MYLIP: variants seen among roughly 807,000 people sequenced by gnomAD.
MYLIP encodes E3 ubiquitin-protein ligase MYLIP.
Under a neutral mutation model 45.8 loss-of-function variants are expected in MYLIP, and 26 were observed. The observed-to-expected ratio is 0.57, with a 90% CI of 0.42 to 0.79. The LOEUF (loss-of-function observed/expected upper bound fraction) is 0.79, where lower values mean the gene tolerates loss of function less well. Among genes scored for constraint, MYLIP ranks in the 30% least tolerant of loss-of-function variants. The pLI is 0.00. For missense variants in MYLIP, 494 were observed against 555.6 expected, an observed-to-expected ratio of 0.89 and a Z score of 1.11; for synonymous variants, 213 against 218.1, an observed-to-expected ratio of 0.98 and a Z score of 0.21.
intron 2 of MYLIP, among the ~76,000 whole-genome samples, chr6:16,139,317 G>A (rs1759616621): frequency 2.0e-5 from 3 of 151,944 alleles, no homozygotes; most frequent in Admixed American, 2.0e-4. Flanking sequence ...GAACCCAGGA[G>A]GCGGAGCTTG....
intron 3 of MYLIP, 128 bp from the exon 4 acceptor site, chr6:16,142,888 ATCAG>A: frequency 1.1e-6 from 1 of 898,358 alleles, no homozygotes; most frequent in Non-Finnish European, 1.7e-6. Flanking sequence ...TACATGAAAC[ATCAG>A]TAATACATAA....
At chr6:16,152,147 T>C (rs1230705118), downstream of MYLIP, among the ~76,000 whole-genome samples, 1 of 152,088 alleles carries the variant, frequency 6.6e-6, no homozygotes, top group Non-Finnish European at 1.5e-5. Context: ...GAGCAAAGGG[T>C]ACAAGAGAGG....
chr6:16,145,183 C>T lies in MYLIP; in HGVS notation c.1114C>T (p.Arg372Trp), dbSNP rs141183183. The T allele has an allele frequency of 1.0e-4, 162 of 1,614,136 alleles. 2 individuals are homozygous for T. Among genetic ancestry groups the T allele is most frequent in the Admixed American group, 9.2e-4 (55 of 60,026 alleles). Residue 372 changes from arginine to tryptophan, a missense_variant, in exon 6 of 7, where the codon CGG (arginine) becomes TGG (tryptophan). Physicochemically the swap from Arg to Trp is moderately radical, Grantham distance 101 (BLOSUM62 -3). Coordinates refer to ENST00000356840, the MANE Select transcript of MYLIP (RefSeq NM_013262.4). Reference sequence around the variant, plus strand: ...CGAGGGCCTCAGCTGCCAGCAGACCCGGGTGCTGCAGGAGAAGCTACGCAA... The same window carrying T: ...CGAGGGCCTCAGCTGCCAGCAGACCTGGGTGCTGCAGGAGAAGCTACGCAA... ...SCEGLSCQQTRVLQEKLRKLK... is the reference protein window; with the variant it reads ...SCEGLSCQQTWVLQEKLRKLK...
intron 1 of MYLIP, among the ~76,000 whole-genome samples, chr6:16,130,346 C>T (rs969407298): frequency 9.9e-5 from 15 of 152,122 alleles, no homozygotes; most frequent in Non-Finnish European, 2.2e-4. Context: ...TGGTCATGCC[C>T]TAGACGTTAA....
intron 2 of MYLIP, among the ~76,000 whole-genome samples, chr6:16,137,138 C>T (rs533171929): frequency 1.2e-4 from 18 of 152,262 alleles, no homozygotes; most frequent in Admixed American, 9.8e-4. Context: ...TAAAGCGTTA[C>T]GGTTTTAGCT....
chr6:16,161,316 T>C, the MYLIP span: 1 of 328,538 alleles, frequency 3.0e-6, no homozygotes, highest in African/African-American at 2.2e-5. Context: ...GACCTACAGC[T>C]TCAGATGGGT....
At chr6:16,158,715 A>C in the MYLIP span, among the ~76,000 whole-genome samples, 1 of 152,124 alleles carries the variant, frequency 6.6e-6, no homozygotes, top group African/African-American at 2.4e-5. Context: ...TAAAAAATAC[A>C]AAAAATTAGC....
the MYLIP span, among the ~76,000 whole-genome samples, chr6:16,158,231 C>T: frequency 3.3e-4 from 51 of 152,346 alleles, no homozygotes; most frequent in Admixed American, 2.5e-3. Context: ...AAGCAAGCGA[C>T]GCAGAGGCAC....
At chr6:16,146,011 C>T (rs1187692655) in intron 6 of MYLIP, among the ~76,000 whole-genome samples, 1 of 152,170 alleles carries the variant, frequency 6.6e-6, no homozygotes, top group Non-Finnish European at 1.5e-5. Flanking sequence ...CTAGATAATA[C>T]TTAGTCCTTC....
In MYLIP at chr6:16,145,185, G is replaced by T; in HGVS notation, c.1116G>T (p.Arg372=). 1.9e-6 allele frequency: 3 copies of T among 1,614,160 alleles called. No individual in the cohort carries two copies. The highest frequency in any genetic ancestry group is 2.5e-6 in the Non-Finnish European group (3 of 1,180,030). The change falls in exon 6 of 7, where the codon CGG becomes CGT. Residue 372 remains arginine, a synonymous_variant. Coordinates refer to ENST00000356840, the MANE Select transcript of MYLIP (RefSeq NM_013262.4). ...SCEGLSCQQT[R]VLQEKLRKLK... ...AGGGCCTCAGCTGCCAGCAGACCCGGGTGCTGCAGGAGAAGCTACGCAAGC... is the reference window on the plus strand; with the variant it reads ...AGGGCCTCAGCTGCCAGCAGACCCGTGTGCTGCAGGAGAAGCTACGCAAGC...
At chr6:16,152,596 A>G (rs1759891196), downstream of MYLIP, among the ~76,000 whole-genome samples, 1 of 152,206 alleles carries the variant, frequency 6.6e-6, no homozygotes, top group South Asian at 2.1e-4. Flanking sequence ...CCTGGGCTGC[A>G]TGGTACAGAT....
chr6:16,149,977 T>C (rs1759857790), downstream of MYLIP, among the ~76,000 whole-genome samples: 1 of 152,128 alleles, frequency 6.6e-6, no homozygotes. Flanking sequence ...CTGGAGGTAG[T>C]TGAAAGCGTG....
chr6:16,143,125 T>C lies in MYLIP; in HGVS notation c.570T>C (p.His190=). 4.3e-6 allele frequency: 7 copies of C among 1,614,224 alleles called. No individual in the cohort carries two copies. Among genetic ancestry groups the C allele is most frequent in the Non-Finnish European group, 5.9e-6 (7 of 1,180,048 alleles). ...SAMENYGIEW[H]SVRDSEGQKL... ...TGGAAAACTATGGCATAGAATGGCA[T>C]TCTGTGCGGGATAGCGAAGGGCAGA... is the stretch of plus-strand genomic sequence containing the variant. Residue 190 remains histidine, a synonymous_variant, in exon 4 of 7, where the codon CAT becomes CAC. Transcript: ENST00000356840.
chr6:16,131,966 ATTAATCAGAATAGACTTT>A (rs1759467734), intron 2 of MYLIP, among the ~76,000 whole-genome samples: 1 of 152,216 alleles, frequency 6.6e-6, no homozygotes, highest in African/African-American at 2.4e-5. Flanking sequence ...AGCTGTCTGT[ATTAATCAGAATAGACTTT>A]TTAAAATTAT....
chr6:16,146,498 A>G (rs1284114948), intron 6 of MYLIP, among the ~76,000 whole-genome samples, 164 bp from the exon 7 acceptor site: 3 of 152,176 alleles, frequency 2.0e-5, no homozygotes, highest in Admixed American at 6.5e-5. Context: ...TAAACTTTCA[A>G]CCTGTGAGAC....
At chr6:16,150,903 C>T (rs1561792590), downstream of MYLIP, among the ~76,000 whole-genome samples, 1 of 152,078 alleles carries the variant, frequency 6.6e-6, no homozygotes, top group Non-Finnish European at 1.5e-5. Flanking sequence ...CTGGGAAGTT[C>T]TGGGGGGAAG....
intron 6 of MYLIP, among the ~76,000 whole-genome samples, chr6:16,145,633 C>G (rs1050666629): frequency 5.9e-5 from 9 of 152,104 alleles, no homozygotes; most frequent in Admixed American, 4.6e-4. Context: ...TGAGGCCTGG[C>G]CCAGGGCTGC....
At chr6:16,162,611 A>G in the MYLIP span, among the ~76,000 whole-genome samples, 2 of 152,044 alleles carry the variant, frequency 1.3e-5, no homozygotes, top group South Asian at 2.1e-4. Flanking sequence ...TGGCATATAT[A>G]TGATATATCC....
At chr6:16,151,322 A>C (rs901582068), downstream of MYLIP, among the ~76,000 whole-genome samples, 2 of 151,712 alleles carry the variant, frequency 1.3e-5, no homozygotes, top group Non-Finnish European at 2.9e-5. Context: ...GCGCCACTGC[A>C]CTTTGGACTG....
Sources: gnomAD v4.1 joint callset for allele counts (sites outside exome capture counted in the v4.1 genomes callset) on GRCh38, gnomAD v4.1.1 for gene constraint, MANE v1.5 for transcripts, NCBI Gene and HGNC (gene_info 2026-07-23, HGNC 2026-07-21) for gene names.